Variants in RABGAP1L observed in about 807,000 individuals in gnomAD.
RABGAP1L encodes RAB GTPase activating protein 1 like.
Under a neutral mutation model 137.7 loss-of-function variants are expected in RABGAP1L, and 63 were observed. That is an observed-to-expected ratio of 0.46 (90% CI 0.37 to 0.56). The LOEUF (loss-of-function observed/expected upper bound fraction) is 0.56, where lower values mean the gene tolerates loss of function less well. Among genes scored for constraint, RABGAP1L ranks in the 20% least tolerant of loss-of-function variants. The probability of loss-of-function intolerance (pLI) is 0.00; values close to 1 mark genes in which losing one functional copy is unlikely to be tolerated. For synonymous variants in RABGAP1L, 431 were observed against 433.7 expected (o/e 0.99, Z 0.08); for missense variants, 1,095 against 1,244.0 (o/e 0.88, Z 1.80).
intron 4 of RABGAP1L, among the ~76,000 whole-genome samples, chr1:174,231,784 G>GC: frequency 6.6e-6 from 1 of 152,174 alleles, no homozygotes; most frequent in Middle Eastern, 3.4e-3. Flanking sequence ...GGTGCCACAC[G>GC]CTTTTAAACA....
chr1:174,638,421 C>T (rs1434777177), intron 14 of RABGAP1L, among the ~76,000 whole-genome samples: 1 of 152,066 alleles, frequency 6.6e-6, no homozygotes, highest in African/African-American at 2.4e-5. Flanking sequence ...AATAGGAACA[C>T]TTTTACACTG....
chr1:174,231,569 G>T (rs779342221), intron 4 of RABGAP1L, among the ~76,000 whole-genome samples: 1 of 152,196 alleles, frequency 6.6e-6, no homozygotes, highest in Non-Finnish European at 1.5e-5. Flanking sequence ...AAATATCTGA[G>T]ATTGGATAAT....
At chr1:174,280,907 ATG>A (rs1372852265) in intron 10 of RABGAP1L, among the ~76,000 whole-genome samples, 2 of 151,900 alleles carry the variant, frequency 1.3e-5, no homozygotes, top group African/African-American at 2.4e-5. Flanking sequence ...AGATGTACAG[ATG>A]TGTCTGGAGT....
chr1:174,777,375 T>G (rs59436654), intron 18 of RABGAP1L, among the ~76,000 whole-genome samples: 11,312 of 152,192 alleles, frequency 0.074, 610 homozygotes, highest in East Asian at 0.32. Flanking sequence ...GTGGCTGTCA[T>G]GTGCATTACA....
intron 13 of RABGAP1L, among the ~76,000 whole-genome samples, chr1:174,420,778 C>T (rs929214251): frequency 6.6e-6 from 1 of 151,680 alleles, no homozygotes; most frequent in African/African-American, 2.4e-5. Flanking sequence ...GGGTTCACGC[C>T]ATTCTCCTGT....
intron 14 of RABGAP1L, among the ~76,000 whole-genome samples, chr1:174,665,819 G>A (rs575986995): frequency 6.6e-6 from 1 of 152,264 alleles, no homozygotes; most frequent in South Asian, 2.1e-4. Flanking sequence ...TCCCAGAGGG[G>A]TGTTACAATT....
chr1:174,264,368 A>G (rs1314444849), intron 7 of RABGAP1L, among the ~76,000 whole-genome samples: 1 of 152,096 alleles, frequency 6.6e-6, no homozygotes, highest in East Asian at 1.9e-4. Flanking sequence ...TGACATCTCA[A>G]AGACATTGTT....
intron 17 of RABGAP1L, among the ~76,000 whole-genome samples, chr1:174,748,862 G>A (rs568577591): frequency 5.1e-4 from 77 of 151,340 alleles, no homozygotes; most frequent in African/African-American, 1.1e-3. Context: ...GTGACAGAAC[G>A]AGACTCTGTT....
chr1:174,802,538 C>T (rs1364368621), intron 18 of RABGAP1L, among the ~76,000 whole-genome samples: 3 of 152,154 alleles, frequency 2.0e-5, no homozygotes, highest in Non-Finnish European at 4.4e-5. Flanking sequence ...ATCCGGGAGG[C>T]AGAGATTGCG....
intron 19 of RABGAP1L, among the ~76,000 whole-genome samples, chr1:174,866,167 C>A (rs1651209035): frequency 8.4e-6 from 1 of 119,558 alleles, no homozygotes; most frequent in African/African-American, 3.3e-5. Context: ...GAGAGAGATG[C>A]CAGCCTGCCA....
chr1:174,434,472 C>A (rs1295182291), intron 13 of RABGAP1L, among the ~76,000 whole-genome samples: 1 of 152,042 alleles, frequency 6.6e-6, no homozygotes, highest in Non-Finnish European at 1.5e-5. Context: ...AATATGTTTT[C>A]CTTTCTATTG....
chr1:174,587,022 G>C (rs1041075404), intron 13 of RABGAP1L, among the ~76,000 whole-genome samples: 3 of 151,736 alleles, frequency 2.0e-5, no homozygotes, highest in African/African-American at 7.3e-5. Flanking sequence ...TCTTGCGATA[G>C]TTTACTGAGA....
intron 13 of RABGAP1L, among the ~76,000 whole-genome samples, chr1:174,550,997 C>T (rs1019940336): frequency 0.18 from 16,842 of 91,832 alleles, 1,992 homozygotes; most frequent in African/African-American, 0.24. Context: ...TATATATATA[C>T]ACATATATAT....
At chr1:174,259,993 C>T (rs1055457894) in intron 7 of RABGAP1L, among the ~76,000 whole-genome samples, 1 of 152,006 alleles carries the variant, frequency 6.6e-6, no homozygotes, top group Non-Finnish European at 1.5e-5. Context: ...CGCCACTACA[C>T]CCGGCTAATT....
chr1:174,210,343 C>T (rs1668793277), intron 1 of RABGAP1L, among the ~76,000 whole-genome samples: 1 of 152,058 alleles, frequency 6.6e-6, no homozygotes, highest in South Asian at 2.1e-4. Flanking sequence ...TTCAAGAAAA[C>T]ACAGAGAAGG....
chr1:174,789,683 C>T (rs1324086142), intron 18 of RABGAP1L, among the ~76,000 whole-genome samples: 2 of 151,964 alleles, frequency 1.3e-5, no homozygotes, highest in Non-Finnish European at 2.9e-5. Context: ...GTAAATGTGT[C>T]AAGGGGTCAC....
intron 13 of RABGAP1L, among the ~76,000 whole-genome samples, chr1:174,622,273 A>G (rs901295408): frequency 6.6e-6 from 1 of 152,232 alleles, no homozygotes; most frequent in Non-Finnish European, 1.5e-5. Context: ...AAACTAGTTC[A>G]ACCATTGTGG....
intron 13 of RABGAP1L, among the ~76,000 whole-genome samples, chr1:174,437,613 G>C (rs1225867728): frequency 6.6e-6 from 1 of 152,138 alleles, no homozygotes; most frequent in Admixed American, 6.5e-5. Context: ...TGAAAGTGAC[G>C]GGGAGAATGG....
intron 19 of RABGAP1L, among the ~76,000 whole-genome samples, chr1:174,921,293 C>T (rs1408832654): frequency 1.3e-5 from 2 of 152,180 alleles, no homozygotes; most frequent in African/African-American, 4.8e-5. Context: ...TACTAATGTG[C>T]ATACCTGGGT....
Sources: gnomAD v4.1 joint callset for allele counts (sites outside exome capture counted in the v4.1 genomes callset) on GRCh38, gnomAD v4.1.1 for gene constraint, MANE v1.5 for transcripts, NCBI Gene and HGNC (gene_info 2026-07-23, HGNC 2026-07-21) for gene names.